The following CA10 variants were observed in gnomAD, a reference collection of about 807,000 sequenced individuals.
CA10 encodes carbonic anhydrase 10 (inactive), also known as carbonic anhydrase-related protein 10.
Under a neutral mutation model 44.2 loss-of-function variants are expected in CA10, and 14 were observed. The ratio of observed to expected loss-of-function variants is 0.32; its 90% confidence interval spans 0.21 to 0.50. The LOEUF is 0.50. Among genes scored for constraint, CA10 ranks in the 20% least tolerant of loss-of-function variants. The pLI is 0.99. For synonymous variants in CA10, 159 were observed against 141.6 expected (o/e 1.12, Z -0.87); for missense variants, 350 against 409.7 (o/e 0.85, Z 1.26).
chr17:51,908,108 C>T (rs1301119585), intron 3 of CA10, among the ~76,000 whole-genome samples: 1 of 152,170 alleles, frequency 6.6e-6, no homozygotes, highest in East Asian at 1.9e-4. Context: ...CTCTGACCCA[C>T]AAACACTACC....
At chr17:51,884,064 T>C (rs967184902) in intron 3 of CA10, among the ~76,000 whole-genome samples, 2 of 152,210 alleles carry the variant, frequency 1.3e-5, no homozygotes, top group African/African-American at 4.8e-5. Flanking sequence ...TTGCATTCCA[T>C]ATTTAACCTA....
At chr17:51,754,651 G>A (rs1905023969) in intron 3 of CA10, among the ~76,000 whole-genome samples, 1 of 151,364 alleles carries the variant, frequency 6.6e-6, no homozygotes, top group Non-Finnish European at 1.5e-5. Context: ...TCAACCTTAT[G>A]CAGGGCAATC....
chr17:51,948,306 G>A lies in CA10; in HGVS notation c.137-17174C>T, dbSNP rs548146677. ...AGGAAATCTAGAGAGACACTGGAAG[G>A]CTGGAGCTCTTCCTGTTTGCCTCCT... On this transcript the variant is annotated intron_variant, in intron 2 of 8. Coordinates refer to ENST00000451037, the MANE Select transcript of CA10 (RefSeq NM_020178.5). 2.0e-5 allele frequency among the ~76,000 whole-genome samples: 3 copies of A among 152,318 alleles called. No individual in the cohort carries two copies. In the South Asian group the frequency reaches 6.2e-4, roughly 32 times the overall value.
At chr17:51,809,817 A>G (rs1249084829) in intron 3 of CA10, among the ~76,000 whole-genome samples, 1 of 152,166 alleles carries the variant, frequency 6.6e-6, no homozygotes, top group South Asian at 2.1e-4. Flanking sequence ...GTTGGGGGTG[A>G]TTTTCCTTCA....
intron 4 of CA10, among the ~76,000 whole-genome samples, chr17:51,700,695 C>T (rs959990403): frequency 2.6e-5 from 4 of 152,164 alleles, no homozygotes; most frequent in African/African-American, 4.8e-5. Context: ...TTGCTTTTCA[C>T]GACAGCACTT....
At chr17:51,990,267 C>G (rs1984993425) in intron 2 of CA10, among the ~76,000 whole-genome samples, 1 of 152,096 alleles carries the variant, frequency 6.6e-6, no homozygotes, top group African/African-American at 2.4e-5. Flanking sequence ...TACTCAAGAT[C>G]CCTGTTTTAT....
At chr17:51,795,756 TG>T (rs1230143035) in intron 3 of CA10, among the ~76,000 whole-genome samples, 1 of 152,204 alleles carries the variant, frequency 6.6e-6, no homozygotes, top group East Asian at 1.9e-4. Context: ...AGGCACAAGG[TG>T]ACCTCTGCAT....
intron 3 of CA10, among the ~76,000 whole-genome samples, chr17:51,900,030 T>C (rs1168820047): frequency 2.6e-5 from 4 of 152,032 alleles, no homozygotes; most frequent in Admixed American, 6.5e-5. Context: ...ATTTAGCCTG[T>C]TTACATTCAA....
At chr17:51,895,529 A>G (rs1339495809) in intron 3 of CA10, among the ~76,000 whole-genome samples, 2 of 152,160 alleles carry the variant, frequency 1.3e-5, no homozygotes, top group East Asian at 1.9e-4. Flanking sequence ...ACATACCAAT[A>G]AAATGAGCAA....
At chr17:51,710,370 A>T (rs892635704) in intron 4 of CA10, among the ~76,000 whole-genome samples, 1 of 152,106 alleles carries the variant, frequency 6.6e-6, no homozygotes, top group Non-Finnish European at 1.5e-5. Context: ...TACAGGCTGG[A>T]GGAGCTCCCT....
At chr17:52,016,388 A>G (rs1425271885) in intron 2 of CA10, among the ~76,000 whole-genome samples, 1 of 152,144 alleles carries the variant, frequency 6.6e-6, no homozygotes, top group Non-Finnish European at 1.5e-5. Flanking sequence ...ATTGCTGGGA[A>G]TTTCAATCAC....
intron 6 of CA10, 71 bp downstream of exon 6, chr17:51,649,111 T>C (rs1240456886): frequency 9.1e-7 from 1 of 1,093,046 alleles, no homozygotes; most frequent in East Asian, 2.4e-5. Flanking sequence ...TCATCAGTTC[T>C]GGCTTCCCGC....
chr17:51,914,638 A>C (rs966531624), intron 3 of CA10, among the ~76,000 whole-genome samples: 9 of 152,200 alleles, frequency 5.9e-5, no homozygotes, highest in Admixed American at 2.0e-4. Flanking sequence ...TCATGCTCTC[A>C]AAACATGGCA....
At chr17:52,136,303 T>C (rs1989356555) in intron 1 of CA10, among the ~76,000 whole-genome samples, 2 of 152,212 alleles carry the variant, frequency 1.3e-5, no homozygotes, top group Admixed American at 1.3e-4. Flanking sequence ...ATCTTCGCTC[T>C]GGAGCTGCAG....
At chr17:51,780,849 C>T (rs1567837407) in intron 3 of CA10, among the ~76,000 whole-genome samples, 1 of 152,124 alleles carries the variant, frequency 6.6e-6, no homozygotes, top group African/African-American at 2.4e-5. Context: ...AAACATTTTC[C>T]GTGAAGAGCA....
At chr17:51,851,364 C>T (rs917268247) in intron 3 of CA10, among the ~76,000 whole-genome samples, 2 of 152,174 alleles carry the variant, frequency 1.3e-5, no homozygotes, top group African/African-American at 2.4e-5. Flanking sequence ...AAGGCACAAA[C>T]AGAGCCAGCC....
chr17:51,797,778 G>C (rs894152317), intron 3 of CA10, among the ~76,000 whole-genome samples: 1 of 147,968 alleles, frequency 6.8e-6, no homozygotes, highest in African/African-American at 2.5e-5. Context: ...TTGAACCTAG[G>C]AGGCAGAGGT....
At position 52,118,642 on chromosome 17, in the gene CA10, T is replaced by C. The variant is rs557197955; in HGVS notation, c.61+39084A>G. Among the ~76,000 whole-genome samples, 7 of 152,300 alleles carry C rather than the reference T, an allele frequency of 4.6e-5. No homozygotes were observed. The East Asian group carries it at 1.3e-3, about 29-fold the overall frequency. On this transcript the variant is annotated intron_variant, in intron 1 of 8. Transcript: ENST00000451037. ...ATGATGTTTAATCTTCTTCAGGTTA[T>C]AATTTAGGGAATAATATTAATATAT...
At chr17:52,151,597 C>A (rs567160537) in intron 1 of CA10, among the ~76,000 whole-genome samples, 3 of 151,916 alleles carry the variant, frequency 2.0e-5, no homozygotes. Flanking sequence ...AGTTTGCTGT[C>A]GATACGTCTT....
Sources: gnomAD v4.1 joint callset for allele counts (sites outside exome capture counted in the v4.1 genomes callset) on GRCh38, gnomAD v4.1.1 for gene constraint, MANE v1.5 for transcripts, NCBI Gene and HGNC (gene_info 2026-07-23, HGNC 2026-07-21) for gene names.